The following PCSK5 variants were observed in gnomAD, a reference collection of about 807,000 sequenced individuals.
PCSK5 encodes the protein proprotein convertase subtilisin/kexin type 5, also known as prohormone convertase 5.
Under a neutral mutation model 233.2 loss-of-function variants are expected in PCSK5, and 129 were observed. The ratio of observed to expected loss-of-function variants is 0.55; its 90% CI spans 0.48 to 0.64. PCSK5 has a LOEUF of 0.64. Ranked by LOEUF, PCSK5 falls within the 30% of genes least tolerant of loss-of-function variation. The pLI is 0.00. For synonymous variants in PCSK5, 825 were observed against 879.2 expected (o/e 0.94, Z 1.09); for missense variants, 2,076 against 2,430.1 (o/e 0.85, Z 3.06).
chr9:76,265,358 G>A (rs1398236552), intron 24 of PCSK5, among the ~76,000 whole-genome samples: 2 of 151,700 alleles, frequency 1.3e-5, no homozygotes, highest in Non-Finnish European at 2.9e-5. Flanking sequence ...GATATACTCA[G>A]GTAACAAATC....
intron 12 of PCSK5, among the ~76,000 whole-genome samples, chr9:76,161,955 C>T (rs958283954): frequency 3.3e-5 from 5 of 152,200 alleles, no homozygotes; most frequent in Non-Finnish European, 5.9e-5. Context: ...CAGAATGTGT[C>T]TTCTTGGTCT....
At chr9:76,144,485 G>T (rs1289857282) in intron 10 of PCSK5, among the ~76,000 whole-genome samples, 2 of 152,196 alleles carry the variant, frequency 1.3e-5, no homozygotes, top group African/African-American at 4.8e-5. Flanking sequence ...TGGTTGCATA[G>T]GTTGTTAACT....
intron 1 of PCSK5, among the ~76,000 whole-genome samples, chr9:75,917,961 T>C (rs1410708704): frequency 6.6e-6 from 1 of 152,130 alleles, no homozygotes; most frequent in African/African-American, 2.4e-5. Flanking sequence ...GTTACAATTA[T>C]TAGTATGCAT....
chr9:76,226,258 C>T (rs1183369214), intron 20 of PCSK5, among the ~76,000 whole-genome samples: 1 of 152,112 alleles, frequency 6.6e-6, no homozygotes, highest in African/African-American at 2.4e-5. Context: ...TAAAGGCAAA[C>T]TCTAGTTGTC....
At chr9:76,074,126 T>C (rs1830566143) in intron 7 of PCSK5, among the ~76,000 whole-genome samples, 1 of 152,202 alleles carries the variant, frequency 6.6e-6, no homozygotes, top group Non-Finnish European at 1.5e-5. Flanking sequence ...TAACCACTGT[T>C]AAGAGTATAA....
chr9:76,139,806 CA>C (rs1823133468), intron 10 of PCSK5, among the ~76,000 whole-genome samples: 1 of 151,908 alleles, frequency 6.6e-6, no homozygotes, highest in Non-Finnish European at 1.5e-5. Context: ...AACAAACAAA[CA>C]AAAAAACAAT....
intron 3 of PCSK5, among the ~76,000 whole-genome samples, chr9:76,020,470 T>G (rs181961626): frequency 1.3e-4 from 20 of 152,332 alleles, no homozygotes; most frequent in Admixed American, 3.9e-4. Flanking sequence ...CTCACCTTAT[T>G]ACTCACATTT....
intron 20 of PCSK5, among the ~76,000 whole-genome samples, chr9:76,217,006 A>C (rs971133356): frequency 6.6e-6 from 1 of 151,942 alleles, no homozygotes; most frequent in Non-Finnish European, 1.5e-5. Context: ...ACTCCTGGCT[A>C]ATTTTTTGTA....
chr9:76,089,377 T>C (rs539945002), intron 7 of PCSK5, among the ~76,000 whole-genome samples: 1 of 152,324 alleles, frequency 6.6e-6, no homozygotes, highest in Non-Finnish European at 1.5e-5. Flanking sequence ...AGTCGACATA[T>C]ACAGATCCAG....
intron 20 of PCSK5, among the ~76,000 whole-genome samples, chr9:76,201,430 C>T (rs1421052402): frequency 1.3e-5 from 2 of 152,162 alleles, no homozygotes; most frequent in Non-Finnish European, 2.9e-5. Context: ...GCCTAAGGTA[C>T]TCCAGTGGTA....
At chr9:76,340,721 C>A (rs1020380015) in intron 35 of PCSK5, among the ~76,000 whole-genome samples, 1 of 149,946 alleles carries the variant, frequency 6.7e-6, no homozygotes, top group Admixed American at 6.6e-5. Flanking sequence ...CTATTAAATG[C>A]AATTTAGAGT....
chr9:76,284,021 T>C (rs1827969968), intron 24 of PCSK5, among the ~76,000 whole-genome samples: 1 of 152,122 alleles, frequency 6.6e-6, no homozygotes, highest in Non-Finnish European at 1.5e-5. Flanking sequence ...CAAGGTTAAA[T>C]ATGAATTTAT....
intron 15 of PCSK5, among the ~76,000 whole-genome samples, chr9:76,180,421 G>A (rs1823811270): frequency 6.6e-6 from 1 of 152,058 alleles, no homozygotes; most frequent in Admixed American, 6.6e-5. Context: ...CCAGCACATA[G>A]GCCATCAGTG....
chr9:76,184,978 CT>C (rs1824035254), intron 17 of PCSK5, among the ~76,000 whole-genome samples: 1 of 152,154 alleles, frequency 6.6e-6, no homozygotes, highest in South Asian at 2.1e-4. Context: ...CAAATAAATT[CT>C]CTTTAGAAAA....
chr9:75,902,035 G>A (rs991926640), intron 1 of PCSK5, among the ~76,000 whole-genome samples: 158 of 151,962 alleles, frequency 1.0e-3, no homozygotes, highest in African/African-American at 3.7e-3. Context: ...GGCCAACATG[G>A]CAAAACCCCA....
At chr9:76,348,189 A>G (rs1587362563) in intron 35 of PCSK5, among the ~76,000 whole-genome samples, 1 of 152,314 alleles carries the variant, frequency 6.6e-6, no homozygotes, top group Admixed American at 6.5e-5. Flanking sequence ...CAGGTGGATC[A>G]CTTGAGGTTA....
At chr9:76,271,516 C>T (rs768998910) in intron 24 of PCSK5, among the ~76,000 whole-genome samples, 33 of 152,106 alleles carry the variant, frequency 2.2e-4, no homozygotes, top group Non-Finnish European at 2.6e-4. Context: ...TTTAGTTTCC[C>T]AGAGCTGCTG....
At chr9:76,331,769 T>G (rs1025215286) in intron 33 of PCSK5, among the ~76,000 whole-genome samples, 4 of 151,990 alleles carry the variant, frequency 2.6e-5, no homozygotes, top group African/African-American at 9.7e-5. Flanking sequence ...CTGCTGCCTT[T>G]GAAGACAGAG....
intron 32 of PCSK5, among the ~76,000 whole-genome samples, chr9:76,323,685 C>T (rs578097880): frequency 3.3e-5 from 5 of 152,248 alleles, no homozygotes; most frequent in East Asian, 3.9e-4. Flanking sequence ...TATTTTGAAC[C>T]GGTTGTAAAT....
Sources: allele counts gnomAD v4.1 joint callset (sites outside exome capture counted in the v4.1 genomes callset), GRCh38; gene constraint gnomAD v4.1.1; transcripts MANE v1.5; gene names NCBI Gene and HGNC (gene_info 2026-07-23, HGNC 2026-07-21).